PRH1: variants seen among roughly 807,000 people sequenced by gnomAD.
The protein encoded by PRH1 is salivary acidic proline-rich phosphoprotein 1/2.
In PRH1, 7 loss-of-function variants were observed where a neutral mutation model predicts 7.9. The observed-to-expected ratio is 0.89, with a 90% confidence interval of 0.50 to 1.67. The LOEUF (loss-of-function observed/expected upper bound fraction) is 1.67, where lower values mean the gene tolerates loss of function less well. PRH1 is among the 40% of genes most tolerant of loss of function. PRH1 has a pLI of 0.00. For missense variants in PRH1, 109 were observed against 223.6 expected, an observed-to-expected ratio of 0.49 and a Z score of 3.27; for synonymous variants, 45 against 80.8, an observed-to-expected ratio of 0.56 and a Z score of 2.38.
At chr12:11,056,198 T>C (rs988110479) in intron 1 of PRH1, among the ~76,000 whole-genome samples, 2 of 152,402 alleles carry the variant, frequency 1.3e-5, no homozygotes, top group Non-Finnish European at 2.9e-5. Context: ...ATATTAGTTG[T>C]TTAATTAAAA....
intron 1 of PRH1, among the ~76,000 whole-genome samples, chr12:11,160,222 A>G (rs1947372837): frequency 6.6e-6 from 1 of 152,198 alleles, no homozygotes; most frequent in Non-Finnish European, 1.5e-5. Context: ...CTACATACCA[A>G]GCATTTTTGT....
intron 1 of PRH1, among the ~76,000 whole-genome samples, chr12:11,026,416 C>G (rs1443368076): frequency 1.7e-4 from 17 of 100,846 alleles, no homozygotes; most frequent in Non-Finnish European, 2.3e-5. Context: ...GTAGTTACTA[C>G]CTCTTCCTGA....
chr12:11,008,414 T>C (rs929190054), intron 1 of PRH1, among the ~76,000 whole-genome samples: 1 of 152,046 alleles, frequency 6.6e-6, no homozygotes, highest in Non-Finnish European at 1.5e-5. Flanking sequence ...GTAACCATCA[T>C]GTAGGGCAAG....
At chr12:11,130,394 T>A (rs142933756) in intron 1 of PRH1, among the ~76,000 whole-genome samples, 1 of 152,164 alleles carries the variant, frequency 6.6e-6, no homozygotes, top group Non-Finnish European at 1.5e-5. Context: ...ATATTTCCTA[T>A]CACTACAAAA....
chr12:11,061,890 C>T lies in PRH1; in HGVS notation n.124-14702G>A, dbSNP rs747688442. On this transcript the variant is annotated intron_variant and non_coding_transcript_variant, in intron 1 of 4. Coordinates refer to the PRH1 transcript ENST00000541977. ...GATGACAAACCAAAAATAGCAAAGG[C>T]CCCAATAGTATCACCAGAACAACAC... 2.1e-5 allele frequency: 34 copies of T among 1,613,826 alleles called. No individual in the cohort carries two copies. In the Middle Eastern group the frequency reaches 4.9e-4, roughly 23 times the overall value.
chr12:11,092,208 T>G, intron 1 of PRH1: 1 of 1,300,880 alleles, frequency 7.7e-7, no homozygotes, highest in Non-Finnish European at 1.1e-6. Flanking sequence ...CTGGAAAAAA[T>G]GATGGGTAGA....
chr12:11,128,094 G>A (rs890304133), intron 1 of PRH1, among the ~76,000 whole-genome samples: 3 of 122,334 alleles, frequency 2.5e-5, no homozygotes, highest in African/African-American at 9.1e-5. Flanking sequence ...CTGGGCGACA[G>A]AGCGAGACTC....
At chr12:11,161,803 C>G (rs1306782242) in intron 1 of PRH1, among the ~76,000 whole-genome samples, 1 of 152,006 alleles carries the variant, frequency 6.6e-6, no homozygotes, top group Non-Finnish European at 1.5e-5. Flanking sequence ...TAACTGCCAC[C>G]AAAGTGAAAG....
At chr12:11,041,810 T>A (rs1014516018) in intron 1 of PRH1, among the ~76,000 whole-genome samples, 1 of 151,912 alleles carries the variant, frequency 6.6e-6, no homozygotes, top group Non-Finnish European at 1.5e-5. Context: ...AAACTAGAAA[T>A]CAATAACAAG....
intron 2 of PRH1, among the ~76,000 whole-genome samples, chr12:10,903,040 C>T (rs548679855): frequency 4.0e-4 from 61 of 152,196 alleles, no homozygotes; most frequent in African/African-American, 1.5e-3. Flanking sequence ...GGTCTAAATA[C>T]CCTCACTTAA....
intron 1 of PRH1, among the ~76,000 whole-genome samples, chr12:11,018,062 G>A (rs796158098): frequency 7.6e-6 from 1 of 131,402 alleles, no homozygotes; most frequent in Non-Finnish European, 1.7e-5. Context: ...CAGATACAGG[G>A]TCTGGCCCAA....
At chr12:11,133,762 G>T (rs200760688) in intron 1 of PRH1, 1 of 1,614,090 alleles carries the variant, frequency 6.2e-7, no homozygotes, top group Admixed American at 1.7e-5. Flanking sequence ...TCCAAGTCAC[G>T]TTTCCTTCAT....
At chr12:10,937,120 T>TTA (rs2135881884) in intron 2 of PRH1, among the ~76,000 whole-genome samples, 1 of 152,192 alleles carries the variant, frequency 6.6e-6, no homozygotes, top group Non-Finnish European at 1.5e-5. Context: ...CAAACTGGGA[T>TTA]TATCTTCCCC....
Position 11,030,165 on chromosome 12 carries a change from T to A in PRH1, c.-126+16855A>T, listed in dbSNP as rs535209765. Among the ~76,000 whole-genome samples the A allele has an allele frequency of 2.0e-5, 3 of 151,444 alleles. No individual in the cohort carries two copies. The East Asian group carries it at 5.9e-4, about 30-fold the overall frequency. ...ATATTTTGTATAATTTGGCAGTTTG[T>A]ATGAAAAAAACAGAAAAGAGCATGT... On this transcript the variant is annotated intron_variant, in intron 1 of 3. Transcript: ENST00000539853.
intron 1 of PRH1, among the ~76,000 whole-genome samples, chr12:11,045,583 T>A (rs554324310): frequency 6.6e-6 from 1 of 152,044 alleles, no homozygotes; most frequent in African/African-American, 2.4e-5. Context: ...AAATACATTT[T>A]AAAAAAAGAA....
At chr12:11,005,978 T>G (rs1374521220) in intron 1 of PRH1, 1 of 152,108 alleles carries the variant, frequency 6.6e-6, no homozygotes, top group East Asian at 1.9e-4. Flanking sequence ...GTTTAATTTA[T>G]TTTTGATTAT....
chr12:11,021,943 C>A (rs529522791), intron 1 of PRH1: 3 of 1,537,894 alleles, frequency 2.0e-6, no homozygotes, highest in Non-Finnish European at 2.6e-6. Context: ...GCTATGGAGC[C>A]GCATCTTCTT....
chr12:10,893,224 T>A (rs1255963884), intron 2 of PRH1, among the ~76,000 whole-genome samples: 1 of 152,156 alleles, frequency 6.6e-6, no homozygotes, highest in African/African-American at 2.4e-5. Flanking sequence ...AAATACAGAG[T>A]GTGTCAGTTC....
upstream of PRH1, among the ~76,000 whole-genome samples, chr12:10,886,324 G>A (rs546055302): frequency 2.0e-5 from 3 of 152,170 alleles, no homozygotes; most frequent in South Asian, 2.1e-4. Context: ...TGATGTGGGG[G>A]ACTGAGGAAG....
Sources: gnomAD v4.1 joint callset for allele counts (sites outside exome capture counted in the v4.1 genomes callset) on GRCh38, gnomAD v4.1.1 for gene constraint, MANE v1.5 for transcripts, NCBI Gene and HGNC (gene_info 2026-07-23, HGNC 2026-07-21) for gene names.